Variants in MDGA2 observed in about 807,000 individuals in gnomAD.
The protein encoded by MDGA2 is MAM domain-containing glycosylphosphatidylinositol anchor protein 2.
MDGA2 carries 40 observed loss-of-function variants against 117.8 expected under a neutral mutation model. The ratio of observed to expected loss-of-function variants is 0.34; its 90% CI spans 0.26 to 0.44. The LOEUF is 0.44. Among genes scored for constraint, MDGA2 ranks in the 20% least tolerant of loss-of-function variants. The probability of loss-of-function intolerance (pLI) is 1.00; values close to 1 mark genes in which losing one functional copy is unlikely to be tolerated. For synonymous variants in MDGA2, 452 were observed against 439.0 expected, an observed-to-expected ratio of 1.03 and a Z score of -0.37; for missense variants, 1,123 against 1,250.6, an observed-to-expected ratio of 0.90 and a Z score of 1.54.
chr14:46,894,436 G>T (rs1883001437), intron 10 of MDGA2, among the ~76,000 whole-genome samples: 1 of 151,790 alleles, frequency 6.6e-6, no homozygotes, highest in Non-Finnish European at 1.5e-5. Context: ...TCACCATTGG[G>T]AAGGCCTAAT....
At chr14:47,256,547 G>A (rs540879389) in intron 2 of MDGA2, among the ~76,000 whole-genome samples, 5 of 152,138 alleles carry the variant, frequency 3.3e-5, no homozygotes, top group East Asian at 1.9e-4. Flanking sequence ...CAGCATGCAC[G>A]GAAGTATGCA....
chr14:47,630,047 A>C (rs1056737839), intron 1 of MDGA2, among the ~76,000 whole-genome samples: 1 of 152,120 alleles, frequency 6.6e-6, no homozygotes. Flanking sequence ...GGGCTCACAG[A>C]ATATGATTTA....
intron 3 of MDGA2, among the ~76,000 whole-genome samples, chr14:47,182,129 C>A (rs1884733284): frequency 6.6e-6 from 1 of 152,008 alleles, no homozygotes; most frequent in South Asian, 2.1e-4. Context: ...ATATTTGATT[C>A]TTCTATATAT....
intron 1 of MDGA2, among the ~76,000 whole-genome samples, chr14:47,426,993 A>G (rs2138518524): frequency 6.6e-6 from 1 of 152,152 alleles, no homozygotes; most frequent in Admixed American, 6.6e-5. Flanking sequence ...ATAGTTAGCA[A>G]GGACTAATTA....
intron 1 of MDGA2, among the ~76,000 whole-genome samples, chr14:47,476,181 C>T (rs575839498): frequency 6.6e-6 from 1 of 152,138 alleles, no homozygotes; most frequent in African/African-American, 2.4e-5. Context: ...TAACAATATG[C>T]ACATATATGT....
At chr14:47,294,825 T>C (rs1359053779) in intron 2 of MDGA2, among the ~76,000 whole-genome samples, 1 of 152,210 alleles carries the variant, frequency 6.6e-6, no homozygotes, top group African/African-American at 2.4e-5. Flanking sequence ...AACTGGCTAC[T>C]AATGTTTGCT....
chr14:47,255,127 T>A (rs1287966407), intron 2 of MDGA2, among the ~76,000 whole-genome samples: 3 of 152,024 alleles, frequency 2.0e-5, no homozygotes, highest in Admixed American at 2.0e-4. Context: ...ACATGTGACA[T>A]ATTACCCATT....
chr14:47,382,737 C>T (rs186467264), intron 1 of MDGA2, among the ~76,000 whole-genome samples: 2 of 152,288 alleles, frequency 1.3e-5, no homozygotes, highest in Admixed American at 6.5e-5. Context: ...GAAATAAGAA[C>T]ACTTTTACAC....
chr14:46,921,335 C>T (rs191680290), intron 9 of MDGA2, among the ~76,000 whole-genome samples: 4 of 151,786 alleles, frequency 2.6e-5, no homozygotes, highest in South Asian at 2.1e-4. Context: ...CTGTAGGGCT[C>T]GTGCCTATAA....
At chr14:47,637,963 T>A (rs774539414) in intron 1 of MDGA2, among the ~76,000 whole-genome samples, 14 of 152,194 alleles carry the variant, frequency 9.2e-5, no homozygotes, top group Non-Finnish European at 1.9e-4. Flanking sequence ...TTGCTTACTG[T>A]CTCCTTTGCC....
At chr14:46,969,246 T>G (rs1410956068) in intron 8 of MDGA2, among the ~76,000 whole-genome samples, 1 of 152,188 alleles carries the variant, frequency 6.6e-6, no homozygotes, top group South Asian at 2.1e-4. Flanking sequence ...ATGATTTATA[T>G]TCCTTTGGCT....
chr14:47,555,382 G>T (rs1895663934), intron 1 of MDGA2, among the ~76,000 whole-genome samples: 2 of 152,082 alleles, frequency 1.3e-5, no homozygotes, highest in East Asian at 3.9e-4. Flanking sequence ...GATGAAACTG[G>T]ACATAGAATG....
At chr14:47,059,083 G>A in intron 7 of MDGA2, 1 of 1,026,816 alleles carries the variant, frequency 9.7e-7, no homozygotes, top group Non-Finnish European at 1.2e-6. Flanking sequence ...AGGGCAGTAA[G>A]AGGCACAGCA....
intron 2 of MDGA2, among the ~76,000 whole-genome samples, chr14:47,220,460 C>A (rs1283119122): frequency 1.3e-5 from 2 of 152,148 alleles, no homozygotes; most frequent in East Asian, 1.9e-4. Context: ...CTGTTTCAAG[C>A]AGAAATGTCC....
chr14:47,187,824 G>A (rs1406618435), intron 3 of MDGA2, among the ~76,000 whole-genome samples: 1 of 151,996 alleles, frequency 6.6e-6, no homozygotes, highest in African/African-American at 2.4e-5. Context: ...ATATCGGAAG[G>A]AAAATCAAAG....
At chr14:47,067,953 T>C (rs1198554669) in intron 6 of MDGA2, among the ~76,000 whole-genome samples, 2 of 152,150 alleles carry the variant, frequency 1.3e-5, no homozygotes, top group Non-Finnish European at 2.9e-5. Context: ...ACAACTCCAT[T>C]TGCCAATCTA....
chr14:46,950,137 A>T (rs946078176), intron 9 of MDGA2, among the ~76,000 whole-genome samples: 11 of 151,998 alleles, frequency 7.2e-5, no homozygotes, highest in Admixed American at 2.6e-4. Flanking sequence ...ATGAATTTAA[A>T]TTGAATATTA....
chr14:47,211,159 C>G (rs146314688), intron 3 of MDGA2, among the ~76,000 whole-genome samples: 2 of 152,196 alleles, frequency 1.3e-5, no homozygotes, highest in Non-Finnish European at 2.9e-5. Flanking sequence ...AACCCACCAT[C>G]GTAACCACTA....
chr14:47,177,531 C>T (rs1205951848), intron 3 of MDGA2, among the ~76,000 whole-genome samples: 1 of 152,142 alleles, frequency 6.6e-6, no homozygotes, highest in Non-Finnish European at 1.5e-5. Context: ...AATCATCATT[C>T]TCAGTAAACT....
Sources: allele counts gnomAD v4.1 joint callset (sites outside exome capture counted in the v4.1 genomes callset), GRCh38; gene constraint gnomAD v4.1.1; transcripts MANE v1.5; gene names NCBI Gene and HGNC (gene_info 2026-07-23, HGNC 2026-07-21).